CFAP299: variants seen among roughly 807,000 people sequenced by gnomAD.
CFAP299 encodes the protein cilia- and flagella-associated protein 299.
In CFAP299, 21 loss-of-function variants were observed where a neutral mutation model predicts 27.0. The ratio of observed to expected loss-of-function variants is 0.78; its 90% CI spans 0.55 to 1.12. The LOEUF (loss-of-function observed/expected upper bound fraction) is 1.12. Among genes scored for constraint, CFAP299 ranks in the 50% most tolerant of loss-of-function variants. CFAP299 has a pLI of 0.00. For missense variants in CFAP299, 310 were observed against 276.6 expected, an observed-to-expected ratio of 1.12 and a Z score of -0.86; for synonymous variants, 104 against 98.1, an observed-to-expected ratio of 1.06 and a Z score of -0.36.
chr4:80,823,357 G>A (rs1479302307), intron 3 of CFAP299, among the ~76,000 whole-genome samples: 3 of 152,126 alleles, frequency 2.0e-5, no homozygotes, highest in Non-Finnish European at 4.4e-5. Context: ...AGAAAGTACA[G>A]CATTTCCCCC....
intron 2 of CFAP299, among the ~76,000 whole-genome samples, chr4:80,513,072 A>T (rs1732398085): frequency 6.6e-6 from 1 of 152,192 alleles, no homozygotes. Flanking sequence ...ATATATGCTC[A>T]GGTCCCCTGA....
chr4:80,619,548 T>G (rs544204945), intron 3 of CFAP299, among the ~76,000 whole-genome samples: 132 of 152,214 alleles, frequency 8.7e-4, no homozygotes, highest in African/African-American at 2.9e-3. Flanking sequence ...CCTAACTAGA[T>G]GGCTTACATA....
chr4:80,407,611 C>T (rs1292727405), intron 2 of CFAP299, among the ~76,000 whole-genome samples: 1 of 152,162 alleles, frequency 6.6e-6, no homozygotes, highest in Admixed American at 6.5e-5. Context: ...AAGCAAGTCA[C>T]AAGGCTAGCC....
At chr4:80,550,785 GCACACACA>G (rs915246015) in intron 2 of CFAP299, among the ~76,000 whole-genome samples, 1 of 135,056 alleles carries the variant, frequency 7.4e-6, no homozygotes, top group Admixed American at 7.2e-5. Flanking sequence ...ACACACACAC[GCACACACA>G]CACACGCATA....
chr4:80,747,868 A>C (rs909309892), intron 3 of CFAP299, among the ~76,000 whole-genome samples: 13 of 152,006 alleles, frequency 8.6e-5, no homozygotes, highest in African/African-American at 3.1e-4. Flanking sequence ...TTATATGCTG[A>C]TGACTTACCT....
chr4:80,813,903 G>A (rs568953610), intron 3 of CFAP299, among the ~76,000 whole-genome samples: 33 of 152,018 alleles, frequency 2.2e-4, no homozygotes, highest in Non-Finnish European at 4.3e-4. Flanking sequence ...TTACATTATC[G>A]TGAAATTTGT....
At chr4:80,781,155 A>G (rs1378288945) in intron 3 of CFAP299, among the ~76,000 whole-genome samples, 1 of 152,036 alleles carries the variant, frequency 6.6e-6, no homozygotes, top group Non-Finnish European at 1.5e-5. Context: ...AATAATTTTT[A>G]AAATCCTGTT....
chr4:80,497,221 G>C (rs1731495144), intron 2 of CFAP299, among the ~76,000 whole-genome samples: 3 of 152,140 alleles, frequency 2.0e-5, no homozygotes, highest in African/African-American at 4.8e-5. Context: ...AGTGAGCTAT[G>C]ATCGCACCAC....
intron 1 of CFAP299, among the ~76,000 whole-genome samples, chr4:80,342,254 C>A (rs546275704): frequency 6.6e-6 from 1 of 152,304 alleles, no homozygotes; most frequent in South Asian, 2.1e-4. Context: ...TTCAGGATAT[C>A]ATCCAGGAGA....
intron 2 of CFAP299, among the ~76,000 whole-genome samples, chr4:80,455,334 T>C (rs920271530): frequency 6.6e-6 from 1 of 152,148 alleles, no homozygotes; most frequent in African/African-American, 2.4e-5. Flanking sequence ...TTAGGTCAGG[T>C]CTCTTTCACT....
In CFAP299 at chr4:80,688,435, C is replaced by T. The variant is rs540706273; in HGVS notation, c.333+105252C>T. The stretch of plus-strand genomic sequence containing the variant: ...GCACCCCCCAGCAGGGGCACACTGA[C>T]ACCTCACACAGCCGGCCGGGTACTC... On this transcript the variant is annotated intron_variant, in intron 3 of 5. Coordinates refer to ENST00000358105, the MANE Select transcript of CFAP299 (RefSeq NM_152770.3). 1.2e-4 allele frequency among the ~76,000 whole-genome samples: 18 copies of T among 152,060 alleles called. No individual in the cohort carries two copies. The East Asian group carries it at 3.3e-3, about 28-fold the overall frequency.
At chr4:80,375,882 CAGA>C (rs1482272561) in intron 2 of CFAP299, among the ~76,000 whole-genome samples, 5 of 152,182 alleles carry the variant, frequency 3.3e-5, no homozygotes, top group Admixed American at 2.0e-4. Flanking sequence ...AGTTAAGAAC[CAGA>C]AGGTGTCAGC....
intron 1 of CFAP299, among the ~76,000 whole-genome samples, chr4:80,361,510 G>T (rs1723547673): frequency 1.3e-5 from 2 of 152,138 alleles, no homozygotes; most frequent in Admixed American, 1.3e-4. Flanking sequence ...TCCACTAGGT[G>T]GAGATATTTG....
chr4:80,857,335 A>G (rs1322709760), intron 3 of CFAP299, among the ~76,000 whole-genome samples: 1 of 152,158 alleles, frequency 6.6e-6, no homozygotes, highest in African/African-American at 2.4e-5. Context: ...AGATTTTACA[A>G]TCATGTCATC....
chr4:80,924,531 T>C (rs1300696534), intron 4 of CFAP299, among the ~76,000 whole-genome samples: 1 of 141,006 alleles, frequency 7.1e-6, no homozygotes, highest in Non-Finnish European at 1.5e-5. Flanking sequence ...TGTGTGTGTG[T>C]GTGTGTGTAT....
chr4:80,457,695 A>T (rs1418020074), intron 2 of CFAP299, among the ~76,000 whole-genome samples: 1 of 152,128 alleles, frequency 6.6e-6, no homozygotes, highest in Non-Finnish European at 1.5e-5. Context: ...CGGGACTTCT[A>T]TAACCACATG....
intron 3 of CFAP299, among the ~76,000 whole-genome samples, chr4:80,591,464 G>T (rs1736788422): frequency 6.6e-6 from 1 of 152,090 alleles, no homozygotes; most frequent in Non-Finnish European, 1.5e-5. Context: ...CAAAAATCAT[G>T]CAGCGAAGAG....
chr4:80,872,973 CATCTT>C lies in CFAP299; in HGVS notation c.476+2840_476+2844del, dbSNP rs1733183872. 7.2e-6 allele frequency: 7 copies of C among 976,100 alleles called. No homozygotes were observed. The South Asian group carries it at 3.3e-4, about 46-fold the overall frequency. 60.5% of individuals were successfully genotyped at this position (976,100 alleles called of 1,614,324 possible). ...GTCAGAAATCAGAAGTTCTGATAGTCATCTTAATGCATTTTAAACTTTACCTCTGC... is the reference window on the plus strand; with the variant it reads ...GTCAGAAATCAGAAGTTCTGATAGTCAATGCATTTTAAACTTTACCTCTGC... On this transcript the variant is annotated intron_variant, in intron 4 of 5. Transcript: ENST00000358105.
At chr4:80,769,546 C>T (rs939009262) in intron 3 of CFAP299, among the ~76,000 whole-genome samples, 2 of 152,164 alleles carry the variant, frequency 1.3e-5, no homozygotes, top group African/African-American at 4.8e-5. Flanking sequence ...AGGCATAAGC[C>T]ACCATGTGCA....
Sources: allele counts gnomAD v4.1 joint callset (sites outside exome capture counted in the v4.1 genomes callset), GRCh38; gene constraint gnomAD v4.1.1; transcripts MANE v1.5; gene names NCBI Gene and HGNC (gene_info 2026-07-23, HGNC 2026-07-21).